The following ARB2A variants were observed in gnomAD, a reference collection of about 807,000 sequenced individuals.
The protein encoded by ARB2A is ARB2 cotranscriptional regulator A, also known as cotranscriptional regulator ARB2A.
chr5:94,109,802 G>C, the ARB2A span, among the ~76,000 whole-genome samples: 1 of 151,904 alleles, frequency 6.6e-6, no homozygotes, highest in Non-Finnish European at 1.5e-5. Flanking sequence ...TTATCAGAGA[G>C]GGTGAGCTTA....
chr5:93,944,413 T>C, the ARB2A span, among the ~76,000 whole-genome samples: 62 of 152,000 alleles, frequency 4.1e-4, no homozygotes, highest in African/African-American at 1.2e-3. Flanking sequence ...CTCGCCAACA[T>C]AGTAGGACCC....
the ARB2A span, among the ~76,000 whole-genome samples, chr5:93,886,323 AC>A: frequency 6.6e-6 from 1 of 151,656 alleles, no homozygotes; most frequent in African/African-American, 2.4e-5. Flanking sequence ...GAATCCTTTG[AC>A]CTATGGAACT....
the ARB2A span, among the ~76,000 whole-genome samples, chr5:93,754,408 C>T: frequency 1.3e-5 from 2 of 152,214 alleles, no homozygotes; most frequent in Non-Finnish European, 2.9e-5. Context: ...TACACAATGA[C>T]AACTCACTGA....
the ARB2A span, among the ~76,000 whole-genome samples, chr5:94,098,333 G>A: frequency 6.6e-6 from 1 of 152,062 alleles, no homozygotes; most frequent in Non-Finnish European, 1.5e-5. Context: ...AATGAAAATC[G>A]CTCAAAACCA....
At chr5:93,938,716 T>C in the ARB2A span, among the ~76,000 whole-genome samples, 1 of 152,168 alleles carries the variant, frequency 6.6e-6, no homozygotes, top group Non-Finnish European at 1.5e-5. Context: ...AGAGAGAGCA[T>C]GCCTGCAAGC....
chr5:93,796,724 G>C, the ARB2A span, among the ~76,000 whole-genome samples: 1 of 152,170 alleles, frequency 6.6e-6, no homozygotes, highest in Non-Finnish European at 1.5e-5. Context: ...ACCAACAAAT[G>C]TGGGACAATT....
At chr5:93,865,969 G>A in the ARB2A span, 3 of 985,302 alleles carry the variant, frequency 3.0e-6, no homozygotes, top group African/African-American at 5.2e-5. Context: ...GGGGTTGCTA[G>A]TAAGAATTAT....
the ARB2A span, among the ~76,000 whole-genome samples, chr5:93,926,390 C>T: frequency 6.6e-6 from 1 of 152,112 alleles, no homozygotes; most frequent in South Asian, 2.1e-4. Context: ...GCCTCGGCCT[C>T]CCAAAGTGCT....
chr5:94,052,108 A>G, the ARB2A span, among the ~76,000 whole-genome samples: 1 of 152,166 alleles, frequency 6.6e-6, no homozygotes, highest in Non-Finnish European at 1.5e-5. Flanking sequence ...GACATGAGCC[A>G]CCACACCTGG....
the ARB2A span, among the ~76,000 whole-genome samples, chr5:93,718,070 C>T: frequency 2.0e-5 from 3 of 151,722 alleles, no homozygotes; most frequent in African/African-American, 4.8e-5. Context: ...CCTGACCTCG[C>T]GATCCACCCA....
the ARB2A span, among the ~76,000 whole-genome samples, chr5:93,772,803 G>A: frequency 2.6e-5 from 4 of 152,168 alleles, no homozygotes; most frequent in African/African-American, 9.7e-5. Context: ...TCTCCACAGG[G>A]CAGCTTACAA....
chr5:94,053,342 T>C, the ARB2A span: 1 of 583,496 alleles, frequency 1.7e-6, no homozygotes, highest in Admixed American at 3.5e-5. Flanking sequence ...ATGTGTTGCT[T>C]TAACTGATAA....
the ARB2A span, among the ~76,000 whole-genome samples, chr5:93,929,574 C>T: frequency 1.8e-4 from 27 of 151,342 alleles, no homozygotes; most frequent in African/African-American, 6.5e-4. Flanking sequence ...AATTTACTCA[C>T]AAAAAAAGTA....
the ARB2A span, among the ~76,000 whole-genome samples, chr5:93,704,879 C>T: frequency 6.6e-6 from 1 of 152,210 alleles, no homozygotes; most frequent in African/African-American, 2.4e-5. Context: ...ATCTAATCTA[C>T]CAATTCGACA....
At chr5:93,992,708 C>T in the ARB2A span, among the ~76,000 whole-genome samples, 1 of 151,494 alleles carries the variant, frequency 6.6e-6, no homozygotes, top group Non-Finnish European at 1.5e-5. Context: ...ACCATTCTGC[C>T]AAAAAAAGCA....
chr5:93,987,940 G>A, the ARB2A span, among the ~76,000 whole-genome samples: 1 of 152,200 alleles, frequency 6.6e-6, no homozygotes, highest in Admixed American at 6.5e-5. Flanking sequence ...ATCTGTATAC[G>A]TTCTAAGCTG....
chr5:93,680,087 T>A, the ARB2A span, among the ~76,000 whole-genome samples: 1 of 152,104 alleles, frequency 6.6e-6, no homozygotes, highest in Non-Finnish European at 1.5e-5. Flanking sequence ...GATTTAAAAA[T>A]TTCAGTCCTA....
chr5:93,920,800 G>A, the ARB2A span, among the ~76,000 whole-genome samples: 6 of 152,020 alleles, frequency 3.9e-5, no homozygotes, highest in South Asian at 4.2e-4. Flanking sequence ...TAATAATTTC[G>A]TAGCCATCTC....
At chr5:93,683,174 T>C in the ARB2A span, 4 of 1,320,166 alleles carry the variant, frequency 3.0e-6, no homozygotes, top group Non-Finnish European at 4.3e-6. Flanking sequence ...TTCCTCATCA[T>C]CAAAATCATC....
Sources: gnomAD v4.1 joint callset for allele counts (sites outside exome capture counted in the v4.1 genomes callset) on GRCh38, gnomAD v4.1.1 for gene constraint, MANE v1.5 for transcripts, NCBI Gene and HGNC (gene_info 2026-07-23, HGNC 2026-07-21) for gene names.